KCNQ1: variants seen among roughly 807,000 people sequenced by gnomAD.
KCNQ1 encodes the protein potassium voltage-gated channel subfamily KQT member 1.
A neutral mutation model predicts 72.4 loss-of-function variants in KCNQ1; 49 were observed. That is an observed-to-expected ratio of 0.68 (90% CI 0.54 to 0.86). The LOEUF (loss-of-function observed/expected upper bound fraction) is 0.86. Ranked by LOEUF, KCNQ1 falls within the 40% of genes least tolerant of loss-of-function variation. KCNQ1 has a pLI of 0.00. For synonymous variants in KCNQ1, 450 were observed against 412.6 expected (o/e 1.09, Z -1.10); for missense variants, 790 against 945.1 (o/e 0.84, Z 2.15).
chr11:2,570,776 G>A (rs1465933500), intron 3 of KCNQ1, 22 bp downstream of exon 3: 3 of 1,608,060 alleles, frequency 1.9e-6, no homozygotes, highest in Middle Eastern at 3.3e-4. Context: ...CTGCCCTGTG[G>A]AGGTCACGCC....
In KCNQ1 at chr11:2,515,697, T is replaced by A. The variant is rs1302752801; in HGVS notation, c.387-12231T>A. The stretch of plus-strand genomic sequence containing the variant: ...GATAGGGCCACATCCATGGGGTCAC[T>A]TCAGTTTGTCCTCCCGGCGCCTTCT... On this transcript the variant is annotated intron_variant, in intron 1 of 15. Coordinates refer to ENST00000155840, the MANE Select transcript of KCNQ1 (RefSeq NM_000218.3). This position sits in a 1 kb window ranked among gnomAD's most constrained non-coding sequence, Gnocchi z 4.7. 3.9e-5 allele frequency among the ~76,000 whole-genome samples: 6 copies of A among 152,202 alleles called. No homozygotes were observed. The highest frequency in any genetic ancestry group is 3.9e-4 in the Admixed American group (6 of 15,306).
At position 2,624,684 on chromosome 11, in the gene KCNQ1, A is replaced by G. The variant is rs1414985939; in HGVS notation, c.1393+35830A>G. 5.0e-6 allele frequency: 2 copies of G among 398,452 alleles called. No homozygotes were observed. The highest frequency in any genetic ancestry group is 8.8e-6 in the Non-Finnish European group (2 of 226,044). 24.7% of individuals were successfully genotyped at this position (398,452 alleles called of 1,614,324 possible). A position where few individuals can be genotyped will look rare whatever the true frequency, so the allele number is the denominator to read the frequency against. ...GCAATCATCACTATCATCCATCTCC[A>G]TAACACTTGTCATTTGTAATTATGA... On this transcript the variant is annotated intron_variant, in intron 10 of 15. Coordinates refer to ENST00000155840, the MANE Select transcript of KCNQ1 (RefSeq NM_000218.3). This position sits in a 1 kb window ranked among gnomAD's most constrained non-coding sequence, Gnocchi z 4.9.
rs2412056 is a variant in KCNQ1, at chr11:2,626,563, C to T, written c.1394-35398C>T. On this transcript the variant is annotated intron_variant, in intron 10 of 15. Transcript: ENST00000155840. This position sits in a 1 kb window ranked among gnomAD's most constrained non-coding sequence, Gnocchi z 4.0. ...TGTTTGTTTTTCAGACATTCTTACT[C>T]TGTTGCCCACGCTGGAGTACAGTGG... is the stretch of plus-strand genomic sequence containing the variant. The T allele has an allele frequency of 0.88, 351,778 of 398,476 alleles. 156,126 individuals carry two copies. The highest frequency in any genetic ancestry group is 0.99 in the East Asian group (27,888 of 28,088). The allele number at this position is 398,476 out of a possible 1,614,324, so 24.7% of individuals were successfully genotyped here.
chr11:2,582,266 C>T (rs1012657307), intron 6 of KCNQ1, among the ~76,000 whole-genome samples: 4 of 152,200 alleles, frequency 2.6e-5, no homozygotes, highest in Admixed American at 6.5e-5. Flanking sequence ...CGGGGGTGGC[C>T]ATGGGGCTTC....
intron 10 of KCNQ1, chr11:2,609,778 A>G (rs1175613066): frequency 5.0e-6 from 2 of 397,860 alleles, no homozygotes; most frequent in South Asian, 1.3e-4. Flanking sequence ...AGATATTCAT[A>G]TTTAACTTCA....
Position 2,544,907 on chromosome 11 carries a change from G to A in KCNQ1, c.477+16889G>A, listed in dbSNP as rs553233151. On this transcript the variant is annotated intron_variant, in intron 2 of 15. Transcript: ENST00000155840. The surrounding 1 kb of genome is among the most constrained non-coding windows in gnomAD (Gnocchi z 4.4). ...TAGAAGACACACATCATTGTTCACC[G>A]TCAAGGGTGATGTTGGCTCTGGGTT... Among the ~76,000 whole-genome samples, 20 of 152,278 alleles carry A rather than the reference G, an allele frequency of 1.3e-4. No individual in the cohort carries two copies. Among genetic ancestry groups the A allele is most frequent in the African/African-American group, 3.1e-4 (13 of 41,538 alleles).
At chr11:2,744,385 G>A (rs889977223) in intron 11 of KCNQ1, among the ~76,000 whole-genome samples, 1 of 152,226 alleles carries the variant, frequency 6.6e-6, no homozygotes, top group African/African-American at 2.4e-5. Flanking sequence ...CCTTCTGGGA[G>A]GGAAGAATGT....
At chr11:2,615,787 G>A (rs892340102) in intron 10 of KCNQ1, 2 of 397,782 alleles carry the variant, frequency 5.0e-6, no homozygotes, top group Admixed American at 4.4e-5. Context: ...TGGCTTACTA[G>A]TACTTTGTTA....
chr11:2,833,169 C>A (rs548282566), intron 15 of KCNQ1, among the ~76,000 whole-genome samples: 1 of 152,112 alleles, frequency 6.6e-6, no homozygotes, highest in African/African-American at 2.4e-5. Context: ...CCTCTGGAGT[C>A]GAGGCAATTA....
At chr11:2,449,810 C>T (rs1417483589) in intron 1 of KCNQ1, among the ~76,000 whole-genome samples, 2 of 152,188 alleles carry the variant, frequency 1.3e-5, no homozygotes, top group Non-Finnish European at 2.9e-5. Context: ...AGGCTGGTTT[C>T]AAGTCTGCTC....
In KCNQ1 at chr11:2,654,517, G is replaced by A. The variant is rs1849807354; in HGVS notation, c.1394-7444G>A. The A allele has an allele frequency of 2.5e-6, 1 of 398,750 alleles. No individual in the cohort carries two copies. The highest frequency in any genetic ancestry group is 4.4e-6 in the Non-Finnish European group (1 of 226,202). The allele number at this position is 398,750 out of a possible 1,614,324, so 24.7% of individuals were successfully genotyped here. On this transcript the variant is annotated intron_variant, in intron 10 of 15. Coordinates refer to ENST00000155840, the MANE Select transcript of KCNQ1 (RefSeq NM_000218.3). This position sits in a 1 kb window ranked among gnomAD's most constrained non-coding sequence, Gnocchi z 6.4. ...GGGGCAATCTCCGGAGCCCTGGAAA[G>A]CTTGTGGAAGAGGGCTTGGGTTACA...
In KCNQ1 at chr11:2,815,978, G is replaced by A. The variant is rs1847605301; in HGVS notation, c.1795-31789G>A. ...ACCAGCCAGCTGGATATGTTCCCTT[G>A]CAGGCGGGCAGGGCTCTGGGGAGTC... On this transcript the variant is annotated intron_variant, in intron 15 of 15. Transcript: ENST00000155840. This position sits in a 1 kb window ranked among gnomAD's most constrained non-coding sequence, Gnocchi z 5.4. Among the ~76,000 whole-genome samples the A allele has an allele frequency of 1.3e-5, 2 of 152,254 alleles. No individual in the cohort carries two copies. Among genetic ancestry groups the A allele is most frequent in the African/African-American group, 4.8e-5 (2 of 41,470 alleles).
rs1358829432 is a variant in KCNQ1, at chr11:2,582,434, T to C, written c.922-1001T>C. On this transcript the variant is annotated intron_variant, in intron 6 of 15. Coordinates refer to ENST00000155840, the MANE Select transcript of KCNQ1 (RefSeq NM_000218.3). ...CTTCCTGCCATCAGCACTGGGCCCA[T>C]AGGGCTGGGAATCCAGTGGGGGTCT... Among the ~76,000 whole-genome samples, 6 of 152,282 alleles carry C rather than the reference T, an allele frequency of 3.9e-5. No homozygotes were observed. In the South Asian group the frequency reaches 6.2e-4, roughly 16 times the overall value.
intron 1 of KCNQ1, among the ~76,000 whole-genome samples, chr11:2,520,099 T>C (rs913712416): frequency 6.6e-6 from 1 of 152,236 alleles, no homozygotes; most frequent in Non-Finnish European, 1.5e-5. Context: ...CTCAGGACCA[T>C]GGCACCAAGT....
intron 1 of KCNQ1, among the ~76,000 whole-genome samples, chr11:2,518,167 C>T (rs1353144512): frequency 1.3e-5 from 2 of 152,390 alleles, no homozygotes; most frequent in South Asian, 2.1e-4. Context: ...CTGGTGGGCC[C>T]CTGCCTGGGG....
In KCNQ1 at chr11:2,600,985, G is replaced by A. The variant is rs1188891482; in HGVS notation, c.1393+12131G>A. Among the ~76,000 whole-genome samples the A allele has an allele frequency of 6.6e-6, 1 of 151,290 alleles. No individual in the cohort carries two copies. The highest frequency in any genetic ancestry group is 2.4e-5 in the African/African-American group (1 of 41,064). On this transcript the variant is annotated intron_variant, in intron 10 of 15. Coordinates refer to ENST00000155840, the MANE Select transcript of KCNQ1 (RefSeq NM_000218.3). This position sits in a 1 kb window ranked among gnomAD's most constrained non-coding sequence, Gnocchi z 5.6. ...TTATTTTGATCACCAAATTGAGGCCGTTATCCACTTTTCTACCTTACAGTT... is the reference window on the plus strand; with the variant it reads ...TTATTTTGATCACCAAATTGAGGCCATTATCCACTTTTCTACCTTACAGTT...
At chr11:2,561,158 G>A (rs1159240235) in intron 2 of KCNQ1, among the ~76,000 whole-genome samples, 2 of 149,542 alleles carry the variant, frequency 1.3e-5, no homozygotes, top group Non-Finnish European at 3.0e-5. Context: ...AGCCGAGATT[G>A]CGCCACTGCA....
At position 2,623,583 on chromosome 11, in the gene KCNQ1, C is replaced by CT. The variant is rs1370021741; in HGVS notation, c.1393+34733dup. The CT allele has an allele frequency of 2.5e-6, 1 of 398,412 alleles. No homozygotes were observed. The highest frequency in any genetic ancestry group is 3.6e-5 in the East Asian group (1 of 28,074). The allele number at this position is 398,412 out of a possible 1,614,324, so 24.7% of individuals were successfully genotyped here. Reference sequence around the variant, plus strand: ...ATATGTTTTTTAATTACCTCCATATCTTTTCATGGCTTGATAGCTCATTTC... The same window carrying CT: ...ATATGTTTTTTAATTACCTCCATATCTTTTTCATGGCTTGATAGCTCATTTC... On this transcript the variant is annotated intron_variant, in intron 10 of 15. Transcript: ENST00000155840. This position sits in a 1 kb window ranked among gnomAD's most constrained non-coding sequence, Gnocchi z 5.2.
At chr11:2,629,120 C>A (rs1258344515) in intron 10 of KCNQ1, 1 of 397,778 alleles carries the variant, frequency 2.5e-6, no homozygotes, top group Admixed American at 4.4e-5. Flanking sequence ...TTGTCTATAT[C>A]TGTGAAAAAA....
Sources: gnomAD v4.1 joint callset for allele counts (sites outside exome capture counted in the v4.1 genomes callset) on GRCh38, gnomAD v4.1.1 for gene constraint, Gnocchi (gnomAD v3.1) non-coding constraint, MANE v1.5 for transcripts, NCBI Gene and HGNC (gene_info 2026-07-23, HGNC 2026-07-21) for gene names.